The following TAC1 variants were observed in gnomAD, a reference collection of about 807,000 sequenced individuals.
The protein encoded by TAC1 is protachykinin-1.
Under a neutral mutation model 21.7 loss-of-function variants are expected in TAC1, and 12 were observed. The ratio of observed to expected loss-of-function variants is 0.55; its 90% confidence interval spans 0.35 to 0.89. TAC1 has a LOEUF of 0.89. Ranked by LOEUF, TAC1 falls within the 40% of genes least tolerant of loss-of-function variation. The pLI, the probability that TAC1 is intolerant of heterozygous loss-of-function variation, is 0.01. For synonymous variants in TAC1, 52 were observed against 52.0 expected, an observed-to-expected ratio of 1.00 and a Z score of 0.00; for missense variants, 128 against 151.4, an observed-to-expected ratio of 0.85 and a Z score of 0.81.
In TAC1 at chr7:97,732,992, A is replaced by ATACG; in HGVS notation, c.123+257_123+258insTACG. ...TGCAGTAGGGATGCCCTCCCGGATG[A>ATACG]GCCCGAGATCCTCACAAGGCGGGAA... is the stretch of plus-strand genomic sequence containing the variant. On this transcript the variant is annotated intron_variant, in intron 2 of 6. Transcript: ENST00000319273. The surrounding 1 kb of genome is among the most constrained non-coding windows in gnomAD (Gnocchi z 6.2). The ATACG allele has an allele frequency of 5.3e-6, 2 of 380,052 alleles. No homozygotes were observed. Among genetic ancestry groups the ATACG allele is most frequent in the Admixed American group, 3.9e-5 (1 of 25,756 alleles). The allele number at this position is 380,052 out of a possible 1,614,324, so 23.5% of individuals were successfully genotyped here. A position where few individuals can be genotyped will look rare whatever the true frequency, so the allele number is the denominator to read the frequency against.
Position 97,732,850 on chromosome 7 carries a change from C to A in TAC1, c.123+115C>A. On this transcript the variant is annotated intron_variant, in intron 2 of 6. Transcript: ENST00000319273. This position sits in a 1 kb window ranked among gnomAD's most constrained non-coding sequence, Gnocchi z 6.2. ...CACGCACCGCCACCACGGAAAGAGG[C>A]AGCGGTTGCGTGCGAGAGGATGGAA... 7.3e-7 allele frequency: 1 copy of A among 1,367,996 alleles called. No homozygotes were observed. The highest frequency in any genetic ancestry group is 9.9e-7 in the Non-Finnish European group (1 of 1,013,598). The allele number at this position is 1,367,996 out of a possible 1,614,324, so 84.7% of individuals were successfully genotyped here.
intron 3 of TAC1, 72 bp downstream of exon 3, chr7:97,733,891 C>G: frequency 7.1e-7 from 1 of 1,414,844 alleles, no homozygotes; most frequent in South Asian, 1.2e-5. Flanking sequence ...TGGAGTACCC[C>G]AGGGTCTCTC....
chr7:97,733,039 C>A, intron 2 of TAC1: 1 of 290,028 alleles, frequency 3.4e-6, no homozygotes, highest in Non-Finnish European at 6.5e-6. Flanking sequence ...TTTCATCCCC[C>A]AGGACCTGGG....
chr7:97,740,157 T>C lies in TAC1; in HGVS notation c.*237T>C. 1 of 309,636 alleles carries C rather than the reference T, an allele frequency of 3.2e-6. No homozygotes were observed. 19.2% of individuals were successfully genotyped at this position (309,636 alleles called of 1,614,324 possible). On this transcript the variant is annotated 3_prime_UTR_variant, in exon 7 of 7. Coordinates refer to ENST00000319273, the MANE Select transcript of TAC1 (RefSeq NM_003182.3). ...GTGGTTATTTCTCAACAAAGCACAG[T>C]GTTAAATGAAATTGTAAAACCTGTC...
chr7:97,740,022 A>AT lies in TAC1; in HGVS notation c.*104dup. The AT allele has an allele frequency of 1.2e-6, 1 of 847,454 alleles. No homozygotes were observed. Among genetic ancestry groups the AT allele is most frequent in the African/African-American group, 1.7e-5 (1 of 57,240 alleles). The allele number at this position is 847,454 out of a possible 1,614,324, so 52.5% of individuals were successfully genotyped here. ...AGGAATAATTATTTATTTAATAACAATTGTTTGGGGTTGAAAATTCAAAAA... is the reference window on the plus strand; with the variant it reads ...AGGAATAATTATTTATTTAATAACAATTTGTTTGGGGTTGAAAATTCAAAAA... On this transcript the variant is annotated 3_prime_UTR_variant, in exon 7 of 7. Transcript: ENST00000319273.
chr7:97,733,781 C>T lies in TAC1; in HGVS notation c.182C>T (p.Pro61Leu). ...LLQRIARRPK[P>L]QQFFGLMGKR... ...CAGAGAATCGCCCGGAGACCCAAGCCTCAGCAGTTCTTTGGATTAATGGGC... is the reference window on the plus strand; with the variant it reads ...CAGAGAATCGCCCGGAGACCCAAGCTTCAGCAGTTCTTTGGATTAATGGGC... The change falls in exon 3 of 7, where the codon CCT becomes CTT. Residue 61 changes from proline to leucine, a missense_variant. Coordinates refer to ENST00000319273, the MANE Select transcript of TAC1 (RefSeq NM_003182.3). The T allele has an allele frequency of 6.2e-7, 1 of 1,614,138 alleles. No homozygotes were observed. The highest frequency in any genetic ancestry group is 2.2e-5 in the East Asian group (1 of 44,852).
chr7:97,732,914 C>A lies in TAC1; in HGVS notation c.123+179C>A, dbSNP rs1306875743. ...CCCGGGTTCCCCACGGGATTTTGTG[C>A]CCACGATTCAAGTTTCTTCCCGAGG... On this transcript the variant is annotated intron_variant, in intron 2 of 6. Transcript: ENST00000319273. This position sits in a 1 kb window ranked among gnomAD's most constrained non-coding sequence, Gnocchi z 6.2. 8.3e-6 allele frequency: 7 copies of A among 847,388 alleles called. No individual in the cohort carries two copies. The African/African-American group carries it at 1.0e-4, about 12-fold the overall frequency. The allele number at this position is 847,388 out of a possible 1,614,324, so 52.5% of individuals were successfully genotyped here.
At chr7:97,738,034 T>A (rs28740842) in intron 6 of TAC1, among the ~76,000 whole-genome samples, 28,261 of 151,912 alleles carry the variant, frequency 0.19, 2,749 homozygotes, top group East Asian at 0.27. Flanking sequence ...TAACATAATT[T>A]TAAGTAGTGA....
chr7:97,733,501 C>T (rs1467427947), intron 2 of TAC1, among the ~76,000 whole-genome samples: 5 of 152,138 alleles, frequency 3.3e-5, no homozygotes, highest in Non-Finnish European at 7.4e-5. Context: ...GCCGAGCCAG[C>T]TGCTAACTCG....
intron 5 of TAC1, among the ~76,000 whole-genome samples, chr7:97,735,113 A>C (rs1331331289): frequency 6.6e-6 from 1 of 152,166 alleles, no homozygotes; most frequent in Non-Finnish European, 1.5e-5. Context: ...GAAGAATTTC[A>C]ATCCTAGGAT....
At chr7:97,738,116 A>G (rs1338037614) in intron 6 of TAC1, among the ~76,000 whole-genome samples, 1 of 152,058 alleles carries the variant, frequency 6.6e-6, no homozygotes, top group East Asian at 1.9e-4. Context: ...TTAAGGAAAT[A>G]TAAATAGGTG....
intron 6 of TAC1, among the ~76,000 whole-genome samples, chr7:97,738,997 A>AATATAATATAATATAATATAATAT (rs1789638830): frequency 2.7e-5 from 4 of 148,388 alleles, no homozygotes; most frequent in Admixed American, 6.7e-5. Context: ...TATATATAAT[A>AATATAATATAATATAATATAATAT]AATATAATAT....
intron 3 of TAC1, chr7:97,734,037 A>AAGCG: frequency 1.5e-6 from 1 of 678,404 alleles, no homozygotes. Context: ...TATTCGAGTG[A>AAGCG]AGCGCTCCCT....
intron 6 of TAC1, 147 bp from the exon 7 acceptor site, chr7:97,739,727 T>G: frequency 1.9e-6 from 1 of 528,720 alleles, no homozygotes. Flanking sequence ...GATTGGAAGA[T>G]GTGCAGATAA....
At position 97,732,591 on chromosome 7, in the gene TAC1, T is replaced by C. The variant is rs1389116692; in HGVS notation, c.-9-13T>C. 1 of 1,614,076 alleles carries C rather than the reference T, an allele frequency of 6.2e-7. No individual in the cohort carries two copies. Among genetic ancestry groups the C allele is most frequent in the Non-Finnish European group, 8.5e-7 (1 of 1,179,976 alleles). ...TTCTCTCTTTGGTGTCTTCTCCTCC[T>C]ACCCCTTCCCAGAAATCCAACATGA... On this transcript the variant is annotated splice_polypyrimidine_tract_variant and intron_variant, in intron 1 of 6. Transcript: ENST00000319273. The surrounding 1 kb of genome is among the most constrained non-coding windows in gnomAD (Gnocchi z 6.2).
At position 97,732,357 on chromosome 7, in the gene TAC1, G is replaced by C. The variant is rs1789454701; in HGVS notation, c.-10+162G>C. ...TGTCTTCCACCTGCAGAGTTTCCTGGTTTGAAGGTGTGGGTTGGTGGGTTA... is the reference window on the plus strand; with the variant it reads ...TGTCTTCCACCTGCAGAGTTTCCTGCTTTGAAGGTGTGGGTTGGTGGGTTA... On this transcript the variant is annotated intron_variant, in intron 1 of 6. Transcript: ENST00000319273. This position sits in a 1 kb window ranked among gnomAD's most constrained non-coding sequence, Gnocchi z 6.2. Among the ~76,000 whole-genome samples the C allele has an allele frequency of 6.6e-6, 1 of 152,202 alleles. No homozygotes were observed. The highest frequency in any genetic ancestry group is 1.5e-5 in the Non-Finnish European group (1 of 68,028).
rs970583110 is a variant in TAC1 at position 97,733,651 on chromosome 7, G to A, written c.124-72G>A. ...CCTCGGGGCCGGAGTACAGCGGGGG[G>A]AAGGGCTCGGGTTGCTGGGTGCCTC... On this transcript the variant is annotated intron_variant, in intron 2 of 6. Transcript: ENST00000319273. 4.0e-6 allele frequency: 6 copies of A among 1,483,270 alleles called. No individual in the cohort carries two copies. The East Asian group carries it at 1.1e-4, about 28-fold the overall frequency. 91.9% of individuals were successfully genotyped at this position (1,483,270 alleles called of 1,614,324 possible).
At chr7:97,738,259 G>C (rs554729773) in intron 6 of TAC1, among the ~76,000 whole-genome samples, 1 of 151,822 alleles carries the variant, frequency 6.6e-6, no homozygotes, top group Non-Finnish European at 1.5e-5. Context: ...GGACCCCTTT[G>C]ACAATCTGAT....
chr7:97,737,509 G>A (rs538273790), intron 6 of TAC1, among the ~76,000 whole-genome samples: 2 of 151,782 alleles, frequency 1.3e-5, no homozygotes, highest in African/African-American at 4.8e-5. Flanking sequence ...GAAAAAAAAA[G>A]TTAACACAAT....
Sources: allele counts gnomAD v4.1 joint callset (sites outside exome capture counted in the v4.1 genomes callset), GRCh38; gene constraint gnomAD v4.1.1; non-coding constraint Gnocchi (gnomAD v3.1); transcripts MANE v1.5; gene names NCBI Gene and HGNC (gene_info 2026-07-23, HGNC 2026-07-21).